UQCRC2: variants seen among roughly 807,000 people sequenced by gnomAD.
The protein encoded by UQCRC2 is cytochrome b-c1 complex subunit 2, mitochondrial.
A neutral mutation model predicts 55.6 loss-of-function variants in UQCRC2; 49 were observed. That is an observed-to-expected ratio of 0.88 (90% CI 0.70 to 1.12). The LOEUF (loss-of-function observed/expected upper bound fraction) is 1.12, where lower values mean the gene tolerates loss of function less well. UQCRC2 is among the 50% of genes most tolerant of loss of function. The pLI is 0.00. For missense variants in UQCRC2, 506 were observed against 547.8 expected, an observed-to-expected ratio of 0.92 and a Z score of 0.76; for synonymous variants, 193 against 192.0, an observed-to-expected ratio of 1.01 and a Z score of -0.04.
At chr16:21,962,907 A>G (rs756140621) in intron 6 of UQCRC2, 22 bp downstream of exon 6, 1 of 1,607,600 alleles carries the variant, frequency 6.2e-7, no homozygotes, top group Admixed American at 1.7e-5. Context: ...TCCAGATCAC[A>G]TTTGATTCTA....
chr16:21,976,425 A>C (rs957288636), intron 12 of UQCRC2, 182 bp downstream of exon 12: 7 of 522,546 alleles, frequency 1.3e-5, no homozygotes, highest in Non-Finnish European at 2.3e-5. Flanking sequence ...GGCCAGGCAC[A>C]GTGGCTCACT....
At chr16:21,962,640 T>C (rs1477759575) in intron 5 of UQCRC2, 121 bp from the exon 6 acceptor site, 31 of 1,588,832 alleles carry the variant, frequency 2.0e-5, no homozygotes, top group Non-Finnish European at 2.6e-5. Flanking sequence ...CATAAACTGC[T>C]CAAAAACACT....
In UQCRC2 at chr16:21,965,406, A is replaced by C; in HGVS notation, c.515-2A>C. ...CTAAATGCTTCTTCACTTATCTCAC[A>C]GATGTCATTGAAAATTTGCATGCAG... On this transcript the variant is annotated splice_acceptor_variant, in intron 6 of 13. Coordinates refer to ENST00000268379, the MANE Select transcript of UQCRC2 (RefSeq NM_003366.4). LOFTEE classifies it high-confidence loss of function. 6.2e-7 allele frequency: 1 copy of C among 1,613,736 alleles called. No individual in the cohort carries two copies. The highest frequency in any genetic ancestry group is 8.5e-7 in the Non-Finnish European group (1 of 1,179,788).
At chr16:21,957,611 C>G in intron 3 of UQCRC2, 45 bp downstream of exon 3, 1 of 1,588,722 alleles carries the variant, frequency 6.3e-7, no homozygotes, top group Non-Finnish European at 8.5e-7. Context: ...GCTGTGGTAT[C>G]TTGGTCCTGT....
At chr16:21,970,242 G>A (rs1032796755) in intron 8 of UQCRC2, among the ~76,000 whole-genome samples, 4 of 152,048 alleles carry the variant, frequency 2.6e-5, no homozygotes, top group African/African-American at 9.7e-5. Flanking sequence ...TTTGGCTGTC[G>A]TAAATATAAA....
Position 21,957,275 on chromosome 16 carries a change from C to T in UQCRC2, c.74C>T (p.Thr25Ile), listed in dbSNP as rs771673227. 1.2e-6 allele frequency: 2 copies of T among 1,613,978 alleles called. No homozygotes were observed. Among genetic ancestry groups the T allele is most frequent in the African/African-American group, 2.7e-5 (2 of 75,006 alleles). Residue 25 changes from threonine to isoleucine, a missense_variant, in exon 2 of 14, where the codon ACA becomes ATA. Coordinates refer to ENST00000268379, the MANE Select transcript of UQCRC2 (RefSeq NM_003366.4). ...SLKVAPKVKA[T>I]AAPAGAPPQP... ...AAAGTTGCCCCCAAAGTTAAAGCCA[C>T]AGCTGCGCCTGCAGGAGCACCGCCA...
In UQCRC2 at chr16:21,971,576, G is replaced by C. The variant is rs1293954918; in HGVS notation, c.722G>C (p.Arg241Thr). 1.2e-6 allele frequency: 2 copies of C among 1,614,170 alleles called. No individual in the cohort carries two copies. Among genetic ancestry groups the C allele is most frequent in the Non-Finnish European group, 1.7e-6 (2 of 1,180,010 alleles). The part of the protein sequence containing the change: ...KQVAEQFLNM[R>T]GGLGLSGAKA... Reference sequence around the variant, plus strand: ...GTTGCTGAACAGTTTCTCAACATGAGGGGTGGGCTTGGTTTATCTGGTGCA... The same window carrying C: ...GTTGCTGAACAGTTTCTCAACATGACGGGTGGGCTTGGTTTATCTGGTGCA... The change falls in exon 9 of 14, where the codon AGG becomes ACG. Residue 241 changes from arginine to threonine, a missense_variant. Coordinates refer to ENST00000268379, the MANE Select transcript of UQCRC2 (RefSeq NM_003366.4).
intron 4 of UQCRC2, among the ~76,000 whole-genome samples, chr16:21,959,000 A>G (rs1445165040): frequency 6.6e-6 from 1 of 152,226 alleles, no homozygotes; most frequent in African/African-American, 2.4e-5. Context: ...CTTAATTTTA[A>G]AATATTTTAT....
At chr16:21,953,518 A>T in intron 1 of UQCRC2, 62 bp downstream of exon 1, 1 of 1,588,928 alleles carries the variant, frequency 6.3e-7, no homozygotes, top group South Asian at 1.1e-5. Flanking sequence ...AGGTGATACG[A>T]GGCGGAGGTG....
At chr16:21,978,403 ATAAG>A (rs1898636133) in intron 12 of UQCRC2, among the ~76,000 whole-genome samples, 1 of 152,224 alleles carries the variant, frequency 6.6e-6, no homozygotes, top group African/African-American at 2.4e-5. Flanking sequence ...CACCATGTCT[ATAAG>A]TAATAAGTTT....
chr16:21,962,972 A>C (rs1361224883), intron 6 of UQCRC2, 87 bp downstream of exon 6: 4 of 1,454,098 alleles, frequency 2.8e-6, no homozygotes, highest in African/African-American at 1.4e-5. Context: ...TTGCTGTCAA[A>C]ATTTTTATTT....
chr16:21,963,190 A>T (rs1597955001), intron 6 of UQCRC2: 1 of 199,696 alleles, frequency 5.0e-6, no homozygotes, highest in African/African-American at 2.4e-5. Flanking sequence ...GGGTTTTGCC[A>T]TGTTGGTCAG....
chr16:21,961,843 T>TG (rs796566152), intron 4 of UQCRC2, among the ~76,000 whole-genome samples: 6 of 151,324 alleles, frequency 4.0e-5, no homozygotes, highest in African/African-American at 1.5e-4. Flanking sequence ...GTAGAGACCA[T>TG]GGTTTCACCC....
intron 5 of UQCRC2, 116 bp downstream of exon 5, chr16:21,962,632 T>C: frequency 6.3e-7 from 1 of 1,590,962 alleles, no homozygotes. Context: ...TTATTGTTCA[T>C]AAACTGCTCA....
intron 10 of UQCRC2, among the ~76,000 whole-genome samples, chr16:21,972,835 C>CT (rs996833320): frequency 6.6e-6 from 1 of 152,224 alleles, no homozygotes; most frequent in African/African-American, 2.4e-5. Context: ...GGCACAGTGG[C>CT]TCACGCCTGT....
At position 21,971,980 on chromosome 16, in the gene UQCRC2, G is replaced by A; in HGVS notation, c.824G>A (p.Ser275Asn). The A allele has an allele frequency of 6.2e-7, 1 of 1,614,194 alleles. No individual in the cohort carries two copies. The highest frequency in any genetic ancestry group is 8.5e-7 in the Non-Finnish European group (1 of 1,180,032). The change falls in exon 10 of 14, where the codon AGT (serine) becomes AAT (asparagine). Residue 275 changes from serine to asparagine, a missense_variant. By Grantham distance (46) the Ser-to-Asn change is conservative. Coordinates refer to ENST00000268379, the MANE Select transcript of UQCRC2 (RefSeq NM_003366.4). ...GTCCATGCTGCTTTTGTAGCAGAAAGTGCTGTCGCGGGAAGTGCAGAGGCA... is the reference window on the plus strand; with the variant it reads ...GTCCATGCTGCTTTTGTAGCAGAAAATGCTGTCGCGGGAAGTGCAGAGGCA... ...SLVHAAFVAESAVAGSAEANA... is the reference protein window; with the variant it reads ...SLVHAAFVAENAVAGSAEANA...
chr16:21,981,076 A>G (rs965948001), intron 13 of UQCRC2, among the ~76,000 whole-genome samples: 2 of 152,216 alleles, frequency 1.3e-5, no homozygotes, highest in African/African-American at 4.8e-5. Flanking sequence ...AGAGTCAAAT[A>G]TTAGCAGTTT....
chr16:21,976,130 C>A, intron 11 of UQCRC2, 37 bp from the exon 12 acceptor site: 1 of 1,497,452 alleles, frequency 6.7e-7, no homozygotes, highest in Non-Finnish European at 9.3e-7. Context: ...GACTCTGGTA[C>A]TGACCACAGA....
At position 21,968,614 on chromosome 16, in the gene UQCRC2, T is replaced by G. The variant is rs573549977; in HGVS notation, c.613-14T>G. 4.4e-6 allele frequency: 7 copies of G among 1,597,368 alleles called. No individual in the cohort carries two copies. The African/African-American group carries it at 6.7e-5, about 15-fold the overall frequency. On this transcript the variant is annotated splice_polypyrimidine_tract_variant and intron_variant, in intron 7 of 13. Coordinates refer to ENST00000268379, the MANE Select transcript of UQCRC2 (RefSeq NM_003366.4). ...ATGCTAATATAACCTAATAAGTGTT[T>G]TTAACTTCCTCAGTTACATTACTTC...
Sources: allele counts gnomAD v4.1 joint callset (sites outside exome capture counted in the v4.1 genomes callset), GRCh38; gene constraint gnomAD v4.1.1; transcripts MANE v1.5; gene names NCBI Gene and HGNC (gene_info 2026-07-23, HGNC 2026-07-21).